The following HSP90AA1 variants were observed in gnomAD, a reference collection of about 807,000 sequenced individuals.
The protein encoded by HSP90AA1 is heat shock protein 90 alpha family class A member 1.
HSP90AA1 carries 18 observed loss-of-function variants against 73.3 expected under a neutral mutation model. The ratio of observed to expected loss-of-function variants is 0.25; its 90% confidence interval spans 0.17 to 0.36. The LOEUF (loss-of-function observed/expected upper bound fraction) is 0.36. Ranked by LOEUF, HSP90AA1 falls within the 10% of genes least tolerant of loss-of-function variation. HSP90AA1 has a pLI of 1.00. For synonymous variants in HSP90AA1, 477 were observed against 296.9 expected, an observed-to-expected ratio of 1.61 and a Z score of -6.24; for missense variants, 704 against 874.2, an observed-to-expected ratio of 0.81 and a Z score of 2.45.
At chr14:102,085,035 C>T (rs949891308) in intron 4 of HSP90AA1, 37 bp from the exon 5 acceptor site, 3 of 1,613,896 alleles carry the variant, frequency 1.9e-6, no homozygotes, top group Non-Finnish European at 2.5e-6. Context: ...CACTGCTGCA[C>T]TCCAGAACTA....
Position 102,083,955 on chromosome 14 carries a change from C to A in HSP90AA1, c.1176G>T (p.Glu392Asp). ...CACGGGATATGTTTAGAGGGAGATC[C>A]TCCGAGTCTACCACCCCTCTAATGA... The part of the protein sequence containing the change: ...LNFIRGVVDS[E>D]DLPLNISREM... Residue 392 changes from glutamate to aspartate, a missense_variant, in exon 7 of 11, where the codon GAG (glutamate) becomes GAT (aspartate). Glu to Asp is a conservative substitution (Grantham distance 45). Transcript: ENST00000216281. 6.2e-7 allele frequency: 1 copy of A among 1,613,898 alleles called. No homozygotes were observed. Among genetic ancestry groups the A allele is most frequent in the Non-Finnish European group, 8.5e-7 (1 of 1,179,826 alleles).
intron 1 of HSP90AA1, among the ~76,000 whole-genome samples, chr14:102,112,829 TAA>T (rs1356827093): frequency 6.6e-6 from 1 of 152,192 alleles, no homozygotes; most frequent in Non-Finnish European, 1.5e-5. Context: ...TTTCTGCTGT[TAA>T]GTTTTTAATA....
intron 1 of HSP90AA1, among the ~76,000 whole-genome samples, chr14:102,127,363 G>A (rs1036167732): frequency 8.5e-5 from 13 of 152,196 alleles, no homozygotes; most frequent in Non-Finnish European, 1.6e-4. Context: ...TACAAAAAGT[G>A]ATGTCCTAAT....
chr14:102,102,235 T>C (rs1287592569), intron 1 of HSP90AA1: 1 of 721,964 alleles, frequency 1.4e-6, no homozygotes, highest in East Asian at 2.7e-5. Flanking sequence ...ATATGTGATA[T>C]GTTCTCTTCC....
At chr14:102,139,336 G>C in exon 1 of HSP90AA1, 1 of 1,613,182 alleles carries the variant, frequency 6.2e-7, no homozygotes. Flanking sequence ...CACTCTGGGC[G>C]GGACAGTCCC....
At chr14:102,125,482 G>GTGTTATTTTTT (rs1348389141) in intron 1 of HSP90AA1, among the ~76,000 whole-genome samples, 1 of 152,186 alleles carries the variant, frequency 6.6e-6, no homozygotes, top group East Asian at 1.9e-4. Flanking sequence ...TAGGAAGAGG[G>GTGTTATTTTTT]AAGCAGAATG....
chr14:102,126,574 G>T (rs1462053384), intron 1 of HSP90AA1, among the ~76,000 whole-genome samples: 1 of 151,912 alleles, frequency 6.6e-6, no homozygotes, highest in Non-Finnish European at 1.5e-5. Flanking sequence ...TCCCAGGCTG[G>T]AGTGCAGTGG....
intron 1 of HSP90AA1, among the ~76,000 whole-genome samples, chr14:102,138,217 T>C (rs2050073456): frequency 6.6e-6 from 1 of 152,108 alleles, no homozygotes; most frequent in Admixed American, 6.6e-5. Context: ...GCTGGGTTTT[T>C]TTCCCCCCCC....
intron 2 of HSP90AA1, among the ~76,000 whole-genome samples, chr14:102,101,221 TC>T (rs1340507360): frequency 6.6e-6 from 1 of 152,208 alleles, no homozygotes. Context: ...TTAGCAGGGC[TC>T]CAGAAGGAAC....
At chr14:102,131,107 T>G (rs2049902500) in intron 1 of HSP90AA1, among the ~76,000 whole-genome samples, 1 of 152,238 alleles carries the variant, frequency 6.6e-6, no homozygotes, top group Non-Finnish European at 1.5e-5. Context: ...ATTATTCAAC[T>G]GCCTTCTGGA....
At chr14:102,131,639 T>C (rs1181453779) in intron 1 of HSP90AA1, among the ~76,000 whole-genome samples, 2 of 152,194 alleles carry the variant, frequency 1.3e-5, no homozygotes, top group African/African-American at 4.8e-5. Flanking sequence ...GTTCTTCCCA[T>C]GGCCCACCTC....
chr14:102,088,002 C>G (rs994114010), upstream of HSP90AA1, among the ~76,000 whole-genome samples: 3 of 141,438 alleles, frequency 2.1e-5, no homozygotes, highest in South Asian at 6.8e-4. Context: ...GCTGGGGTGC[C>G]GCGGCGGAAT....
At chr14:102,129,557 C>T (rs1478177005) in intron 1 of HSP90AA1, among the ~76,000 whole-genome samples, 1 of 147,968 alleles carries the variant, frequency 6.8e-6, no homozygotes, top group African/African-American at 2.5e-5. Flanking sequence ...GCCTAAAGTG[C>T]AGTGGCTTGA....
rs550047488 is a variant in HSP90AA1, at chr14:102,086,348, G to A, written c.31C>T (p.Pro11Ser). 53 of 1,614,044 alleles carry A rather than the reference G, an allele frequency of 3.3e-5. No individual in the cohort carries two copies. The highest frequency in any genetic ancestry group is 4.3e-5 in the Non-Finnish European group (51 of 1,180,038). The change falls in exon 2 of 11, where the codon CCG (proline) becomes TCG (serine). Residue 11 changes from proline to serine, a missense_variant. Pro to Ser is a moderately conservative substitution (Grantham distance 74). Coordinates refer to ENST00000216281, the MANE Select transcript of HSP90AA1 (RefSeq NM_005348.4). ...GTCTCAACCTCCTCCTCCTCCATCG[G>A]TTGGTCTTGGGTCTGGGTTTCCTCA... MPEETQTQDQPMEEEEVETFA... is the reference protein window; with the variant it reads MPEETQTQDQSMEEEEVETFA...
At chr14:102,096,658 A>G (rs182242308) in intron 2 of HSP90AA1, among the ~76,000 whole-genome samples, 1 of 152,304 alleles carries the variant, frequency 6.6e-6, no homozygotes, top group Non-Finnish European at 1.5e-5. Context: ...GACGCAGCAC[A>G]TGGCACACAG....
At chr14:102,114,994 A>C (rs2049688365) in intron 1 of HSP90AA1, among the ~76,000 whole-genome samples, 1 of 152,026 alleles carries the variant, frequency 6.6e-6, no homozygotes, top group Non-Finnish European at 1.5e-5. Context: ...CAACAACAAA[A>C]TTAGCTGGGT....
intron 2 of HSP90AA1, among the ~76,000 whole-genome samples, chr14:102,093,381 T>C (rs950001120): frequency 2.7e-5 from 4 of 150,452 alleles, no homozygotes; most frequent in Non-Finnish European, 4.4e-5. Context: ...TGGTGGCATA[T>C]GCCTGTAATC....
At position 102,139,637 on chromosome 14, in the gene HSP90AA1, T is replaced by A. The variant is rs557795595; in HGVS notation, c.-233A>T. The A allele has an allele frequency of 1.0e-4, 67 of 643,540 alleles. No homozygotes were observed. In the African/African-American group the frequency reaches 1.2e-3, roughly 12 times the overall value. The allele number at this position is 643,540 out of a possible 1,614,324, so 39.9% of individuals were successfully genotyped here. A position where few individuals can be genotyped will look rare whatever the true frequency, so the allele number is the denominator to read the frequency against. The stretch of plus-strand genomic sequence containing the variant: ...GAACGGTCAACTAGACCCCACTAGC[T>A]GAAGCCGGCATCACCTGGGAAGCAG... On this transcript the variant is annotated 5_prime_UTR_variant, in exon 1 of 12. Coordinates refer to the HSP90AA1 transcript ENST00000334701.
In HSP90AA1 at chr14:102,093,433, C is replaced by T. The variant is rs193088033; in HGVS notation, c.367-7055G>A. Reference sequence around the variant, plus strand: ...CTGAGGCAAGAGAACCGCTTAAACCCGAGAGCACACCACTGCACTCCAGCC... The same window carrying T: ...CTGAGGCAAGAGAACCGCTTAAACCTGAGAGCACACCACTGCACTCCAGCC... On this transcript the variant is annotated intron_variant, in intron 2 of 11. Transcript: ENST00000334701. Among the ~76,000 whole-genome samples, 5 of 148,646 alleles carry T rather than the reference C, an allele frequency of 3.4e-5. No homozygotes were observed. In the East Asian group the frequency reaches 8.0e-4, roughly 24 times the overall value.
Sources: gnomAD v4.1 joint callset for allele counts (sites outside exome capture counted in the v4.1 genomes callset) on GRCh38, gnomAD v4.1.1 for gene constraint, MANE v1.5 for transcripts, NCBI Gene and HGNC (gene_info 2026-07-23, HGNC 2026-07-21) for gene names.